Variants in THRB observed in about 807,000 individuals in gnomAD.
The protein encoded by THRB is thyroid hormone receptor beta.
A neutral mutation model predicts 47.8 loss-of-function variants in THRB; 12 were observed. That is an observed-to-expected ratio of 0.25 (90% CI 0.16 to 0.41). THRB has a LOEUF of 0.41. Ranked by LOEUF, THRB falls within the 10% of genes least tolerant of loss-of-function variation. The pLI, the probability that THRB is intolerant of heterozygous loss-of-function variation, is 1.00. For synonymous variants in THRB, 218 were observed against 212.2 expected, an observed-to-expected ratio of 1.03 and a Z score of -0.24; for missense variants, 348 against 589.2, an observed-to-expected ratio of 0.59 and a Z score of 4.24.
At chr3:24,225,926 G>T (rs1050987329) in intron 4 of THRB, among the ~76,000 whole-genome samples, 2 of 152,052 alleles carry the variant, frequency 1.3e-5, no homozygotes, top group African/African-American at 4.8e-5. Context: ...ATTAGGTGGC[G>T]TAAAGCAGTG....
At chr3:24,234,151 T>G (rs1196888228) in intron 3 of THRB, among the ~76,000 whole-genome samples, 15 of 152,250 alleles carry the variant, frequency 9.9e-5, no homozygotes, top group Non-Finnish European at 5.9e-5. Flanking sequence ...TATTAGGGAG[T>G]GTGCTCTCCT....
intron 4 of THRB, among the ~76,000 whole-genome samples, chr3:24,213,685 T>A (rs563843926): frequency 6.6e-6 from 1 of 152,242 alleles, no homozygotes; most frequent in Non-Finnish European, 1.5e-5. Context: ...TCTAAAGGGA[T>A]TTAAAAAATT....
intron 1 of THRB, among the ~76,000 whole-genome samples, chr3:24,462,830 A>G (rs2073817513): frequency 1.3e-5 from 2 of 152,142 alleles, no homozygotes; most frequent in South Asian, 4.1e-4. Flanking sequence ...GAAGCCTGGG[A>G]AAAATACCCA....
chr3:24,268,581 T>C (rs1057350338), intron 3 of THRB, among the ~76,000 whole-genome samples: 1 of 152,174 alleles, frequency 6.6e-6, no homozygotes, highest in Non-Finnish European at 1.5e-5. Flanking sequence ...TCCTGACAAA[T>C]TCAAGTAAAA....
intron 1 of THRB, among the ~76,000 whole-genome samples, chr3:24,377,554 A>G (rs1356644307): frequency 1.3e-5 from 2 of 152,164 alleles, no homozygotes; most frequent in African/African-American, 4.8e-5. Context: ...AGCTCTGTCA[A>G]AAGGATTTTG....
chr3:24,444,031 A>T (rs2125439918), intron 1 of THRB, among the ~76,000 whole-genome samples: 1 of 152,212 alleles, frequency 6.6e-6, no homozygotes, highest in South Asian at 2.1e-4. Flanking sequence ...CCATTTTTTT[A>T]ATTTTAAAAA....
At chr3:24,394,755 G>A (rs368699574) in intron 1 of THRB, among the ~76,000 whole-genome samples, 16 of 152,084 alleles carry the variant, frequency 1.1e-4, no homozygotes, top group East Asian at 5.8e-4. Context: ...GTGTGGATTC[G>A]TGCAATAAAG....
chr3:24,143,168 A>G (rs1255853844), intron 8 of THRB, among the ~76,000 whole-genome samples: 2 of 152,246 alleles, frequency 1.3e-5, no homozygotes, highest in East Asian at 3.8e-4. Context: ...AGAAATGGGT[A>G]TAGAAAGTAA....
At chr3:24,458,575 G>C (rs1451073641) in intron 1 of THRB, 1 of 152,124 alleles carries the variant, frequency 6.6e-6, no homozygotes, top group Non-Finnish European at 1.5e-5. Flanking sequence ...TTAGCAATTA[G>C]TTTCAATTTC....
At chr3:24,156,248 GAA>G (rs2037821090) in intron 5 of THRB, among the ~76,000 whole-genome samples, 1 of 152,222 alleles carries the variant, frequency 6.6e-6, no homozygotes, top group Admixed American at 6.5e-5. Context: ...CTTCTTGGTT[GAA>G]AACAGATTCA....
chr3:24,447,931 G>A (rs544476431), intron 1 of THRB, among the ~76,000 whole-genome samples: 50 of 152,174 alleles, frequency 3.3e-4, no homozygotes, highest in Admixed American at 5.9e-4. Context: ...GAAAGAGAGC[G>A]CTAGTCATCA....
intron 1 of THRB, among the ~76,000 whole-genome samples, chr3:24,338,569 G>A (rs1226721836): frequency 1.3e-5 from 2 of 152,054 alleles, no homozygotes; most frequent in African/African-American, 2.4e-5. Context: ...AATATCCAAC[G>A]TTTATGGCTA....
rs904304319 is a variant in THRB, at chr3:24,471,038, C to G, written c.-261+23614G>C. On this transcript the variant is annotated intron_variant, in intron 1 of 10. Coordinates refer to ENST00000646209, the MANE Select transcript of THRB (RefSeq NM_001354712.2). Reference sequence around the variant, plus strand: ...TTTCCTCAGTGGTCCTTAATATTAACTGGTTGCCTGAATTTTCTACATCCT... The same window carrying G: ...TTTCCTCAGTGGTCCTTAATATTAAGTGGTTGCCTGAATTTTCTACATCCT... 2.6e-5 allele frequency among the ~76,000 whole-genome samples: 4 copies of G among 152,208 alleles called. No individual in the cohort carries two copies. The East Asian group carries it at 7.7e-4, about 29-fold the overall frequency.
At chr3:24,362,947 G>C (rs972326393) in intron 1 of THRB, among the ~76,000 whole-genome samples, 1 of 152,096 alleles carries the variant, frequency 6.6e-6, no homozygotes, top group Non-Finnish European at 1.5e-5. Context: ...ATCTAGAAGT[G>C]GACCTATATT....
chr3:24,198,110 T>C (rs1423842809), intron 4 of THRB, among the ~76,000 whole-genome samples: 3 of 152,294 alleles, frequency 2.0e-5, no homozygotes, highest in South Asian at 2.1e-4. Flanking sequence ...TGGGAACTTT[T>C]AACAGTAGCC....
At chr3:24,489,091 T>C (rs146813372) in intron 1 of THRB, among the ~76,000 whole-genome samples, 23 of 152,034 alleles carry the variant, frequency 1.5e-4, no homozygotes, top group African/African-American at 5.3e-4. Context: ...CTGTCCCTAC[T>C]AAAATTACAA....
intron 1 of THRB, among the ~76,000 whole-genome samples, chr3:24,477,868 G>T (rs575547806): frequency 6.6e-6 from 1 of 150,514 alleles, no homozygotes; most frequent in African/African-American, 2.4e-5. Flanking sequence ...GTTTCTGACT[G>T]CTTGAAAGCT....
intron 5 of THRB, among the ~76,000 whole-genome samples, chr3:24,174,482 C>T (rs13320945): frequency 0.4 from 60,599 of 151,966 alleles, 12,331 homozygotes; most frequent in South Asian, 0.5. Context: ...CACGTTGCAG[C>T]TAGGGGAATT....
chr3:24,425,025 C>T (rs1349711771), intron 1 of THRB, among the ~76,000 whole-genome samples: 2 of 151,478 alleles, frequency 1.3e-5, no homozygotes, highest in Admixed American at 6.6e-5. Context: ...TATAAATATG[C>T]CATAATTTAT....
Sources: allele counts gnomAD v4.1 joint callset (sites outside exome capture counted in the v4.1 genomes callset), GRCh38; gene constraint gnomAD v4.1.1; transcripts MANE v1.5; gene names NCBI Gene and HGNC (gene_info 2026-07-23, HGNC 2026-07-21).